The following ARHGAP24 variants were observed in gnomAD, a reference collection of about 807,000 sequenced individuals.
ARHGAP24 encodes the protein rho GTPase-activating protein 24.
ARHGAP24 carries 50 observed loss-of-function variants against 76.4 expected under a neutral mutation model. The ratio of observed to expected loss-of-function variants is 0.65; its 90% CI spans 0.52 to 0.83. The LOEUF (loss-of-function observed/expected upper bound fraction) is 0.83, where lower values mean the gene tolerates loss of function less well. Among genes scored for constraint, ARHGAP24 ranks in the 40% least tolerant of loss-of-function variants. The probability of loss-of-function intolerance (pLI) is 0.00; values close to 1 mark genes in which losing one functional copy is unlikely to be tolerated. For missense variants in ARHGAP24, 930 were observed against 914.2 expected, an observed-to-expected ratio of 1.02 and a Z score of -0.22; for synonymous variants, 345 against 323.3, an observed-to-expected ratio of 1.07 and a Z score of -0.72.
chr4:85,504,523 C>T lies in ARHGAP24; in HGVS notation c.-21+28964C>T, dbSNP rs577889587. Among the ~76,000 whole-genome samples the T allele has an allele frequency of 3.9e-5, 6 of 152,202 alleles. No individual in the cohort carries two copies. The East Asian group carries it at 9.6e-4, about 24-fold the overall frequency. ...TTTGTTGGTTTAAAGTCTGTTTTAT[C>T]AGAGACTAGGATTGCAACCCCTGCC... On this transcript the variant is annotated intron_variant, in intron 1 of 9. Transcript: ENST00000395184.
At chr4:85,759,531 G>C (rs1466400628) in intron 3 of ARHGAP24, among the ~76,000 whole-genome samples, 4 of 152,154 alleles carry the variant, frequency 2.6e-5, no homozygotes, top group African/African-American at 4.8e-5. Context: ...CAGAGTCTAG[G>C]GGGGTGGGTT....
chr4:85,722,741 G>T (rs1051239614), intron 3 of ARHGAP24, among the ~76,000 whole-genome samples: 1 of 152,172 alleles, frequency 6.6e-6, no homozygotes, highest in African/African-American at 2.4e-5. Context: ...AGGGAGGTAG[G>T]AATCTGGCTC....
chr4:85,728,346 T>C (rs1725251473), intron 3 of ARHGAP24, among the ~76,000 whole-genome samples: 2 of 152,036 alleles, frequency 1.3e-5, no homozygotes, highest in Admixed American at 6.6e-5. Flanking sequence ...TAATAGTTTA[T>C]ATTGGGAACC....
chr4:85,852,149 A>C (rs1731270658), intron 3 of ARHGAP24, among the ~76,000 whole-genome samples: 1 of 151,924 alleles, frequency 6.6e-6, no homozygotes, highest in African/African-American at 2.4e-5. Flanking sequence ...TGTTTGTTTC[A>C]TTTTACTCTT....
chr4:85,537,128 TCTC>T (rs1259387778), intron 1 of ARHGAP24, among the ~76,000 whole-genome samples: 25 of 152,076 alleles, frequency 1.6e-4, no homozygotes, highest in Admixed American at 5.9e-4. Context: ...TTTTCCATAG[TCTC>T]CTTATCATTC....
intron 4 of ARHGAP24, among the ~76,000 whole-genome samples, chr4:85,934,439 ATTTC>A (rs1736515657): frequency 1.3e-5 from 2 of 152,184 alleles, no homozygotes; most frequent in Non-Finnish European, 2.9e-5. Context: ...ACTGACTCTA[ATTTC>A]TTCAGCAAGC....
intron 1 of ARHGAP24, among the ~76,000 whole-genome samples, chr4:85,495,643 T>A (rs144763023): frequency 0.017 from 2,569 of 152,132 alleles, 32 homozygotes; most frequent in South Asian, 0.025. Flanking sequence ...TGAGCCACCG[T>A]GCCTGGCCCA....
intron 1 of ARHGAP24, among the ~76,000 whole-genome samples, chr4:85,487,767 AAT>A (rs1444669459): frequency 4.8e-5 from 5 of 105,224 alleles, no homozygotes; most frequent in South Asian, 2.5e-4. Flanking sequence ...TATATTATAT[AAT>A]ATATATTTAT....
chr4:85,981,679 C>T (rs1334814416), intron 8 of ARHGAP24, among the ~76,000 whole-genome samples: 1 of 151,930 alleles, frequency 6.6e-6, no homozygotes, highest in African/African-American at 2.4e-5. Flanking sequence ...TTTTTCATTT[C>T]TGTTCTCCTA....
intron 2 of ARHGAP24, among the ~76,000 whole-genome samples, chr4:85,614,472 T>C (rs966706662): frequency 1.3e-5 from 2 of 152,166 alleles, no homozygotes; most frequent in Non-Finnish European, 2.9e-5. Context: ...GTACCTCCCA[T>C]ACAGAAAAGA....
intron 2 of ARHGAP24, among the ~76,000 whole-genome samples, chr4:85,649,285 AT>A (rs1300981180): frequency 6.6e-6 from 1 of 152,138 alleles, no homozygotes; most frequent in African/African-American, 2.4e-5. Context: ...CTTAATCAGC[AT>A]ATTAAATCAG....
At chr4:85,902,480 C>T (rs1734554582) in intron 3 of ARHGAP24, among the ~76,000 whole-genome samples, 1 of 152,170 alleles carries the variant, frequency 6.6e-6, no homozygotes, top group African/African-American at 2.4e-5. Flanking sequence ...AATAACCTTC[C>T]AGCTTTTAAG....
chr4:85,853,898 G>A (rs111574068), intron 3 of ARHGAP24, among the ~76,000 whole-genome samples: 4,858 of 152,026 alleles, frequency 0.032, 297 homozygotes, highest in African/African-American at 0.11. Context: ...AGGTTACAAT[G>A]AGCTGAGATC....
intron 3 of ARHGAP24, among the ~76,000 whole-genome samples, chr4:85,773,325 T>C (rs1469103491): frequency 6.6e-6 from 1 of 152,254 alleles, no homozygotes; most frequent in Non-Finnish European, 1.5e-5. Context: ...TTTCAATGGA[T>C]ACCCATTTCC....
At chr4:85,901,677 A>G (rs1466348948) in intron 3 of ARHGAP24, among the ~76,000 whole-genome samples, 1 of 152,184 alleles carries the variant, frequency 6.6e-6, no homozygotes, top group Non-Finnish European at 1.5e-5. Context: ...TCTTTATTGT[A>G]ATACTTATAC....
At chr4:85,876,339 T>C (rs1732936387) in intron 3 of ARHGAP24, among the ~76,000 whole-genome samples, 1 of 152,232 alleles carries the variant, frequency 6.6e-6, no homozygotes, top group Admixed American at 6.5e-5. Flanking sequence ...GCATTGTCTT[T>C]AATCTTTAGT....
At chr4:85,986,098 A>C (rs553236633) in intron 8 of ARHGAP24, among the ~76,000 whole-genome samples, 2 of 152,226 alleles carry the variant, frequency 1.3e-5, no homozygotes, top group South Asian at 4.1e-4. Context: ...AAACATGGAG[A>C]CTGCTTTATT....
At chr4:85,792,501 A>T (rs1328874290) in intron 3 of ARHGAP24, among the ~76,000 whole-genome samples, 1 of 152,086 alleles carries the variant, frequency 6.6e-6, no homozygotes, top group Non-Finnish European at 1.5e-5. Flanking sequence ...TTCTGAATTT[A>T]TTGCAATAGC....
At chr4:85,602,261 G>A (rs1478265332) in intron 2 of ARHGAP24, among the ~76,000 whole-genome samples, 4 of 152,210 alleles carry the variant, frequency 2.6e-5, no homozygotes, top group African/African-American at 9.6e-5. Context: ...AGCTAGATCT[G>A]ATAATCAAAG....
Sources: gnomAD v4.1 joint callset for allele counts (sites outside exome capture counted in the v4.1 genomes callset) on GRCh38, gnomAD v4.1.1 for gene constraint, MANE v1.5 for transcripts, NCBI Gene and HGNC (gene_info 2026-07-23, HGNC 2026-07-21) for gene names.